Variants in SPSB3 observed in about 807,000 individuals in gnomAD.
SPSB3 encodes splA/ryanodine receptor domain and SOCS box containing 3.
SPSB3 carries 18 observed loss-of-function variants against 29.5 expected under a neutral mutation model. That is an observed-to-expected ratio of 0.61 (90% CI 0.42 to 0.91). The LOEUF (loss-of-function observed/expected upper bound fraction) is 0.91. SPSB3 is among the 40% of genes least tolerant of loss of function. The pLI is 0.00. For synonymous variants in SPSB3, 299 were observed against 214.1 expected, an observed-to-expected ratio of 1.40 and a Z score of -3.46; for missense variants, 540 against 507.5, an observed-to-expected ratio of 1.06 and a Z score of -0.61.
In SPSB3 at chr16:1,778,333, G is replaced by A. The variant is rs202190320; in HGVS notation, c.305-12C>T. The A allele has an allele frequency of 4.3e-6, 7 of 1,611,628 alleles. No homozygotes were observed. In the Admixed American group the frequency reaches 5.0e-5, roughly 12 times the overall value. Reference sequence around the variant, plus strand: ...GACCCAGTCGAAATCTGCAAGAGAGGCCCAGGCTGGGGCAGCCCTGAGAGC... The same window carrying A: ...GACCCAGTCGAAATCTGCAAGAGAGACCCAGGCTGGGGCAGCCCTGAGAGC... On this transcript the variant is annotated splice_polypyrimidine_tract_variant and intron_variant, in intron 3 of 6. Transcript: ENST00000566339.
Position 1,778,544 on chromosome 16 carries a change from C to T in SPSB3, c.195G>A (p.Val65=). Residue 65 remains valine (V), a synonymous_variant, in exon 3 of 7, where the codon GTG becomes GTA. Coordinates refer to ENST00000566339, the MANE Select transcript of SPSB3 (RefSeq NM_080861.4). ...LPPSIPSAVP[V]TGESFCDCAG... is the part of the protein sequence containing the mutation. ...CACAGTCACAGAAGGACTCGCCGGTCACGGGCACCGCACTGGGGATGGATG... is the reference window on the plus strand; with the variant it reads ...CACAGTCACAGAAGGACTCGCCGGTTACGGGCACCGCACTGGGGATGGATG... The T allele has an allele frequency of 6.2e-7, 1 of 1,608,454 alleles. No homozygotes were observed. The highest frequency in any genetic ancestry group is 8.5e-7 in the Non-Finnish European group (1 of 1,176,978).
Position 1,777,431 on chromosome 16 carries a change from G to A in SPSB3, c.734C>T (p.Thr245Ile), listed in dbSNP as rs1409726656. Residue 245 changes from threonine to isoleucine, a missense_variant, in exon 7 of 7, where the codon ACC becomes ATC. By Grantham distance (89) the Thr-to-Ile change is moderately conservative. Transcript: ENST00000566339. ...GTAGAATCTCTTGTTCTGCAGCTTGGTGGCTGCCACACCTGGAAGGGAGGG... is the reference window on the plus strand; with the variant it reads ...GTAGAATCTCTTGTTCTGCAGCTTGATGGCTGCCACACCTGGAAGGGAGGG... ...KNRKCIGVAA[T>I]KLQNKRFYPM... 6.6e-7 allele frequency: 1 copy of A among 1,525,802 alleles called. No homozygotes were observed. Among genetic ancestry groups the A allele is most frequent in the Admixed American group, 1.9e-5 (1 of 52,524 alleles). 94.5% of individuals were successfully genotyped at this position (1,525,802 alleles called of 1,614,324 possible).
Position 1,776,957 on chromosome 16 carries a change from C to A in SPSB3, c.*140G>T. 1.0e-6 allele frequency: 1 copy of A among 973,178 alleles called. No individual in the cohort carries two copies. Among genetic ancestry groups the A allele is most frequent in the Non-Finnish European group, 1.5e-6 (1 of 668,390 alleles). 60.3% of individuals were successfully genotyped at this position (973,178 alleles called of 1,614,324 possible). A position where few individuals can be genotyped will look rare whatever the true frequency, so the allele number is the denominator to read the frequency against. On this transcript the variant is annotated 3_prime_UTR_variant, in exon 7 of 7. Coordinates refer to ENST00000566339, the MANE Select transcript of SPSB3 (RefSeq NM_080861.4). ...CCCACAGAAAGGACTGTCCCAGCCT[C>A]GGGAGCAAGAGATGGCTCCCTCCGG...
intron 1 of SPSB3, 107 bp from the exon 2 acceptor site, chr16:1,781,602 C>CA (rs1473419781): frequency 2.4e-6 from 3 of 1,225,998 alleles, no homozygotes; most frequent in Non-Finnish European, 3.4e-6. Context: ...GCAGGGGCCG[C>CA]ACCGGTGCCC....
intron 2 of SPSB3, chr16:1,778,969 C>T (rs1219674864): frequency 9.8e-6 from 2 of 204,294 alleles, no homozygotes; most frequent in East Asian, 2.3e-4. Flanking sequence ...CAGGGGCCCC[C>T]AGGCAAGGCC....
Position 1,778,621 on chromosome 16 carries a change from GAA to G in SPSB3, c.127-11_127-10del. The G allele has an allele frequency of 1.3e-6, 2 of 1,538,316 alleles. No individual in the cohort carries two copies. Among genetic ancestry groups the G allele is most frequent in the Non-Finnish European group, 1.8e-6 (2 of 1,141,464 alleles). On this transcript the variant is annotated splice_polypyrimidine_tract_variant and intron_variant, in intron 2 of 6. Coordinates refer to ENST00000566339, the MANE Select transcript of SPSB3 (RefSeq NM_080861.4). ...GAGTCCGAGTCGCTGTGCTGGGAGAGAAGGGCCGGCTGTTACTACCTGTTGCC... is the reference window on the plus strand; with the variant it reads ...GAGTCCGAGTCGCTGTGCTGGGAGAGGGGCCGGCTGTTACTACCTGTTGCC...
chr16:1,778,556 A>G lies in SPSB3; in HGVS notation c.183T>C (p.Ser61=), dbSNP rs528529282. The G allele has an allele frequency of 6.2e-6, 10 of 1,603,454 alleles. No homozygotes were observed. Among genetic ancestry groups the G allele is most frequent in the East Asian group, 2.2e-5 (1 of 44,624 alleles). The change falls in exon 3 of 7, where the codon AGT becomes AGC. Residue 61 remains serine (S), a synonymous_variant. Transcript: ENST00000566339. ...AGGACTCGCCGGTCACGGGCACCGC[A>G]CTGGGGATGGATGGCGGCAGCGTGG... ...EYSTLPPSIP[S]AVPVTGESFC... is the part of the protein sequence containing the mutation.
chr16:1,777,545 G>C, intron 6 of SPSB3, 102 bp from the exon 7 acceptor site: 1 of 1,363,096 alleles, frequency 7.3e-7, no homozygotes, highest in Non-Finnish European at 9.7e-7. Context: ...TGGGCAGCTG[G>C]CACAGCTGAG....
Position 1,776,973 on chromosome 16 carries a change from C to T in SPSB3, c.*124G>A, listed in dbSNP as rs113748227. The T allele has an allele frequency of 1.7e-5, 19 of 1,116,154 alleles. No individual in the cohort carries two copies. In the African/African-American group the frequency reaches 1.7e-4, roughly 10 times the overall value. The allele number at this position is 1,116,154 out of a possible 1,614,324, so 69.1% of individuals were successfully genotyped here. The stretch of plus-strand genomic sequence containing the variant: ...TCCCAGCCTCGGGAGCAAGAGATGG[C>T]TCCCTCCGGACGGGCCTCATCCAAC... On this transcript the variant is annotated 3_prime_UTR_variant, in exon 7 of 7. Transcript: ENST00000566339.
intron 2 of SPSB3, 95 bp from the exon 3 acceptor site, chr16:1,778,707 C>CTTTCCTGGGTGGGT: frequency 7.1e-7 from 1 of 1,405,372 alleles, no homozygotes; most frequent in Non-Finnish European, 9.4e-7. Flanking sequence ...CCTGACCCAC[C>CTTTCCTGGGTGGGT]CAGGAAAGGA....
rs767649831 is a variant in SPSB3, at chr16:1,777,831, G to A, written c.637C>T (p.Arg213Trp). 9.9e-6 allele frequency: 16 copies of A among 1,612,744 alleles called. No homozygotes were observed. The highest frequency in any genetic ancestry group is 1.7e-4 in the Middle Eastern group (1 of 5,992). ...HKGDKTSFSS[R>W]FGQGSIIGVH... The stretch of plus-strand genomic sequence containing the variant: ...CCAATGATGGAGCCCTGGCCGAACC[G>A]CGATGAGAAGCTGGTCTTGTCGCCC... The change falls in exon 6 of 7, where the codon CGG (arginine) becomes TGG (tryptophan). Residue 213 changes from arginine (R) to tryptophan (W), a missense_variant. Coordinates refer to ENST00000566339, the MANE Select transcript of SPSB3 (RefSeq NM_080861.4).
chr16:1,778,242 G>T lies in SPSB3; in HGVS notation c.384C>A (p.His128Gln). 6.2e-7 allele frequency: 1 copy of T among 1,612,994 alleles called. No homozygotes were observed. Among genetic ancestry groups the T allele is most frequent in the Non-Finnish European group, 8.5e-7 (1 of 1,179,996 alleles). Reference protein sequence around the residue: ...LSCDNRKVSFHMEYSCGTAAI... With the variant: ...LSCDNRKVSFQMEYSCGTAAI... ...CCGCTGTGCCGCAGCTGTACTCCAT[G>T]TGGAAGCTGACCTTACGGTTGTCAC... The change falls in exon 4 of 7, where the codon CAC (histidine) becomes CAA (glutamine). Residue 128 changes from histidine to glutamine, a missense_variant. His to Gln is a conservative substitution (Grantham distance 24). Transcript: ENST00000566339.
intron 2 of SPSB3, chr16:1,780,817 T>G: frequency 3.6e-6 from 1 of 278,270 alleles, no homozygotes; most frequent in Non-Finnish European, 7.1e-6. Flanking sequence ...ACTGCAGCCT[T>G]GACCTCCCTG....
intron 1 of SPSB3, chr16:1,781,992 C>A (rs1441991707): frequency 5.5e-6 from 1 of 180,782 alleles, no homozygotes; most frequent in Non-Finnish European, 1.2e-5. Context: ...CCCCTCCGCT[C>A]GCTACCGCCA....
chr16:1,777,847 C>G lies in SPSB3; in HGVS notation c.621G>C (p.Lys207Asn), dbSNP rs1222335660. The G allele has an allele frequency of 1.2e-6, 2 of 1,612,596 alleles. No individual in the cohort carries two copies. Residue 207 changes from lysine to asparagine, a missense_variant, in exon 6 of 7, where the codon AAG (lysine) becomes AAC (asparagine). Lys to Asn is a moderately conservative substitution (Grantham distance 94). Coordinates refer to ENST00000566339, the MANE Select transcript of SPSB3 (RefSeq NM_080861.4). ...GGCCGAACCGCGATGAGAAGCTGGT[C>G]TTGTCGCCCTTGTGGTGGAGGAGGC... Reference protein sequence around the residue: ...YTGLLHHKGDKTSFSSRFGQG... With the variant: ...YTGLLHHKGDNTSFSSRFGQG...
chr16:1,777,897 A>G, intron 5 of SPSB3, 25 bp from the exon 6 acceptor site: 1 of 1,611,800 alleles, frequency 6.2e-7, no homozygotes, highest in Middle Eastern at 1.7e-4. Context: ...GGTCGCAGTG[A>G]GCCCGGGAGC....
intron 6 of SPSB3, 52 bp from the exon 7 acceptor site, chr16:1,777,495 T>C: frequency 6.9e-7 from 1 of 1,444,696 alleles, no homozygotes; most frequent in Non-Finnish European, 9.1e-7. Context: ...GGCCAGCTAC[T>C]GGGCGCAGCC....
At position 1,776,722 on chromosome 16, in the gene SPSB3, A is replaced by G. The variant is rs1596852411; in HGVS notation, c.*375T>C. ...TCAGCTCACGCCATGTGGGTGTTAG[A>G]CATCAACTCTACATTTATTGCAGTC... On this transcript the variant is annotated 3_prime_UTR_variant, in exon 7 of 7. Transcript: ENST00000566339. 3.0e-6 allele frequency: 1 copy of G among 330,038 alleles called. No individual in the cohort carries two copies. Among genetic ancestry groups the G allele is most frequent in the East Asian group, 6.0e-5 (1 of 16,530 alleles). The allele number at this position is 330,038 out of a possible 1,614,324, so 20.4% of individuals were successfully genotyped here. A position where few individuals can be genotyped will look rare whatever the true frequency, so the allele number is the denominator to read the frequency against.
At chr16:1,778,799 C>T (rs2141988890) in intron 2 of SPSB3, 187 bp from the exon 3 acceptor site, 1 of 577,094 alleles carries the variant, frequency 1.7e-6, no homozygotes, top group East Asian at 3.2e-5. Context: ...GGCTCTGCCC[C>T]ATTCTGCATG....
Sources: gnomAD v4.1 joint callset for allele counts on GRCh38, gnomAD v4.1.1 for gene constraint, MANE v1.5 for transcripts, NCBI Gene and HGNC (gene_info 2026-07-23, HGNC 2026-07-21) for gene names.